Variants in MACROD2 observed in about 807,000 individuals in gnomAD.
MACROD2 encodes the protein mono-ADP ribosylhydrolase 2, also known as ADP-ribose glycohydrolase MACROD2.
Under a neutral mutation model 70.4 loss-of-function variants are expected in MACROD2, and 36 were observed. That is an observed-to-expected ratio of 0.51 (90% confidence interval 0.39 to 0.68). The LOEUF is 0.68. MACROD2 is among the 30% of genes least tolerant of loss of function. The pLI is 0.00. For missense variants in MACROD2, 496 were observed against 538.4 expected, an observed-to-expected ratio of 0.92 and a Z score of 0.78; for synonymous variants, 172 against 178.8, an observed-to-expected ratio of 0.96 and a Z score of 0.30.
At chr20:14,638,628 A>G (rs1009644248) in intron 4 of MACROD2, among the ~76,000 whole-genome samples, 2 of 152,176 alleles carry the variant, frequency 1.3e-5, no homozygotes, top group African/African-American at 4.8e-5. Flanking sequence ...AATAAAAATC[A>G]TATTTACTCC....
At chr20:15,899,973 G>A (rs2065040414) in intron 10 of MACROD2, among the ~76,000 whole-genome samples, 1 of 151,992 alleles carries the variant, frequency 6.6e-6, no homozygotes, top group Admixed American at 6.6e-5. Flanking sequence ...ATGGAACGTA[G>A]CTTGTATTTC....
chr20:15,157,359 ACCTCCCCCCCC>A (rs1555788219), intron 5 of MACROD2, among the ~76,000 whole-genome samples: 1 of 115,306 alleles, frequency 8.7e-6, no homozygotes, highest in Admixed American at 8.8e-5. Context: ...ACCCCCCCCC[ACCTCCCCCCCC>A]CCCGGCCACC....
At chr20:14,887,852 A>G (rs1267328725) in intron 5 of MACROD2, among the ~76,000 whole-genome samples, 2 of 139,228 alleles carry the variant, frequency 1.4e-5, no homozygotes, top group African/African-American at 5.4e-5. Context: ...TTCAAACTGG[A>G]AGAAAAGCAT....
At chr20:15,076,065 A>T (rs1385137494) in intron 5 of MACROD2, among the ~76,000 whole-genome samples, 1 of 152,200 alleles carries the variant, frequency 6.6e-6, no homozygotes, top group Non-Finnish European at 1.5e-5. Context: ...GTTTATGTTG[A>T]CATTTCCTTC....
At chr20:14,119,367 C>T (rs979487605) in intron 3 of MACROD2, among the ~76,000 whole-genome samples, 1 of 151,454 alleles carries the variant, frequency 6.6e-6, no homozygotes, top group African/African-American at 2.4e-5. Context: ...TAGGGTTTCA[C>T]CCCATTGGCC....
chr20:14,383,169 G>C (rs887187708), intron 3 of MACROD2, among the ~76,000 whole-genome samples: 6 of 152,148 alleles, frequency 3.9e-5, no homozygotes, highest in African/African-American at 1.4e-4. Context: ...AAAACAAACA[G>C]CTAAGTACCA....
chr20:14,394,770 T>A (rs1045077749), intron 3 of MACROD2, among the ~76,000 whole-genome samples: 11 of 152,212 alleles, frequency 7.2e-5, no homozygotes, highest in African/African-American at 2.4e-4. Flanking sequence ...ATTCCAAGTT[T>A]GCTGAGAAGT....
At chr20:14,699,703 C>A (rs1005551073) in intron 5 of MACROD2, among the ~76,000 whole-genome samples, 5 of 152,224 alleles carry the variant, frequency 3.3e-5, no homozygotes, top group Non-Finnish European at 5.9e-5. Flanking sequence ...TAGTTTAATA[C>A]CTATGTGAAA....
intron 5 of MACROD2, among the ~76,000 whole-genome samples, chr20:14,910,359 G>A (rs2074011983): frequency 6.6e-6 from 1 of 152,194 alleles, no homozygotes; most frequent in Non-Finnish European, 1.5e-5. Context: ...TAGTACTGCA[G>A]CCCCTCAAGG....
chr20:14,255,122 G>A (rs2082043126), intron 3 of MACROD2, among the ~76,000 whole-genome samples: 1 of 152,018 alleles, frequency 6.6e-6, no homozygotes, highest in African/African-American at 2.4e-5. Flanking sequence ...TAGTCTGATG[G>A]GCTTCCCTTT....
intron 6 of MACROD2, among the ~76,000 whole-genome samples, chr20:15,423,882 T>C (rs1268384031): frequency 6.6e-6 from 1 of 152,136 alleles, no homozygotes; most frequent in Non-Finnish European, 1.5e-5. Flanking sequence ...ACAACAAGCA[T>C]TTATTTCTTA....
chr20:15,212,433 T>A (rs929160264), intron 5 of MACROD2, among the ~76,000 whole-genome samples: 2 of 152,202 alleles, frequency 1.3e-5, no homozygotes, highest in Non-Finnish European at 2.9e-5. Context: ...AATGAGCTCT[T>A]TTTTTGGCGC....
At chr20:15,379,673 C>T (rs558093208) in intron 6 of MACROD2, among the ~76,000 whole-genome samples, 1 of 152,170 alleles carries the variant, frequency 6.6e-6, no homozygotes, top group Non-Finnish European at 1.5e-5. Flanking sequence ...GTCTACTCCT[C>T]TCTGTCTCCA....
chr20:14,061,203 C>T (rs893606156), intron 2 of MACROD2, among the ~76,000 whole-genome samples: 2 of 152,106 alleles, frequency 1.3e-5, no homozygotes, highest in South Asian at 2.1e-4. Context: ...TTGATTACAT[C>T]TTCTATTAAT....
intron 9 of MACROD2, among the ~76,000 whole-genome samples, chr20:15,868,321 A>T (rs933469868): frequency 2.0e-5 from 3 of 152,186 alleles, no homozygotes; most frequent in Middle Eastern, 3.4e-3. Flanking sequence ...CTCTGTACCC[A>T]CAGATTTCTA....
chr20:14,477,186 A>T (rs2084604553), intron 3 of MACROD2, among the ~76,000 whole-genome samples: 1 of 152,182 alleles, frequency 6.6e-6, no homozygotes, highest in Non-Finnish European at 1.5e-5. Flanking sequence ...ACAAGCGAAG[A>T]GGGTACTATC....
At chr20:15,556,461 G>T (rs1399449843) in intron 8 of MACROD2, among the ~76,000 whole-genome samples, 1 of 151,890 alleles carries the variant, frequency 6.6e-6, no homozygotes, top group Admixed American at 6.6e-5. Flanking sequence ...TATTCATGGT[G>T]CCCAGTTGTT....
At chr20:15,154,413 C>G (rs1456052795) in intron 5 of MACROD2, among the ~76,000 whole-genome samples, 1 of 152,208 alleles carries the variant, frequency 6.6e-6, no homozygotes, top group Admixed American at 6.5e-5. Flanking sequence ...AGCTCTCTAC[C>G]TACTTTGGGC....
At chr20:14,239,404 CT>C (rs1317909237) in intron 3 of MACROD2, among the ~76,000 whole-genome samples, 2 of 152,134 alleles carry the variant, frequency 1.3e-5, no homozygotes, top group Non-Finnish European at 2.9e-5. Context: ...CAACAAAAAG[CT>C]TCAATAACCA....
Sources: gnomAD v4.1 joint callset for allele counts (sites outside exome capture counted in the v4.1 genomes callset) on GRCh38, gnomAD v4.1.1 for gene constraint, MANE v1.5 for transcripts, NCBI Gene and HGNC (gene_info 2026-07-23, HGNC 2026-07-21) for gene names.